Variants in SLC30A6 observed in about 807,000 individuals in gnomAD.
SLC30A6 encodes the protein solute carrier family 30 member 6.
A neutral mutation model predicts 63.0 loss-of-function variants in SLC30A6; 55 were observed. The observed-to-expected ratio is 0.87, with a 90% CI of 0.70 to 1.09. The LOEUF is 1.09. Among genes scored for constraint, SLC30A6 ranks in the 50% least tolerant of loss-of-function variants. The pLI is 0.00. For synonymous variants in SLC30A6, 224 were observed against 186.1 expected (o/e 1.20, Z -1.66); for missense variants, 587 against 549.2 (o/e 1.07, Z -0.69).
chr2:32,203,477 G>T, intron 10 of SLC30A6: 1 of 1,598,822 alleles, frequency 6.3e-7, no homozygotes, highest in Admixed American at 1.7e-5. Context: ...AGGGGCAGTG[G>T]ATGCATTGGC....
rs993634003 is a variant in SLC30A6, at chr2:32,206,884, A to G, written c.769-2A>G. 6.2e-7 allele frequency: 1 copy of G among 1,611,396 alleles called. No individual in the cohort carries two copies. The highest frequency in any genetic ancestry group is 8.5e-7 in the Non-Finnish European group (1 of 1,177,636). On this transcript the variant is annotated splice_acceptor_variant, in intron 11 of 13. Coordinates refer to ENST00000282587, the MANE Select transcript of SLC30A6 (RefSeq NM_017964.5). LOFTEE classifies it high-confidence loss of function. ...TTCATATTTTATTGTATTTTTCCCCAGACAACACCACCCCATGTTATTGGT... is the reference window on the plus strand; with the variant it reads ...TTCATATTTTATTGTATTTTTCCCCGGACAACACCACCCCATGTTATTGGT...
chr2:32,179,251 G>A (rs1218078618), intron 4 of SLC30A6, among the ~76,000 whole-genome samples: 1 of 152,120 alleles, frequency 6.6e-6, no homozygotes, highest in Non-Finnish European at 1.5e-5. Flanking sequence ...ATTTATAAAT[G>A]CCCATAACCT....
intron 13 of SLC30A6, among the ~76,000 whole-genome samples, chr2:32,210,130 A>G (rs944114364): frequency 1.3e-5 from 2 of 152,214 alleles, no homozygotes; most frequent in Non-Finnish European, 2.9e-5. Context: ...GATGAGGAAA[A>G]TACAGAAAAT....
intron 7 of SLC30A6, among the ~76,000 whole-genome samples, chr2:32,193,302 G>C (rs948990775): frequency 2.6e-5 from 4 of 151,976 alleles, no homozygotes; most frequent in Non-Finnish European, 4.4e-5. Flanking sequence ...ATTGGACGAG[G>C]CTCAGGGATT....
At chr2:32,201,901 A>G in intron 10 of SLC30A6, 1 of 1,477,902 alleles carries the variant, frequency 6.8e-7, no homozygotes, top group South Asian at 1.2e-5. Flanking sequence ...GACCAAAAAA[A>G]TTAAAATGAA....
intron 10 of SLC30A6, 128 bp downstream of exon 10, chr2:32,197,954 T>C: frequency 8.9e-7 from 1 of 1,118,916 alleles, no homozygotes; most frequent in East Asian, 2.5e-5. Flanking sequence ...TTAGATCACA[T>C]CTTTTCCTTA....
intron 8 of SLC30A6, among the ~76,000 whole-genome samples, chr2:32,194,449 C>G (rs1379789613): frequency 6.6e-6 from 1 of 152,140 alleles, no homozygotes; most frequent in Non-Finnish European, 1.5e-5. Flanking sequence ...AACTTTATTT[C>G]TTTGGAAATA....
intron 5 of SLC30A6, among the ~76,000 whole-genome samples, chr2:32,185,431 A>G (rs1682716942): frequency 6.6e-6 from 1 of 152,128 alleles, no homozygotes; most frequent in Non-Finnish European, 1.5e-5. Context: ...GTATTTAAAC[A>G]TGAGTTCCTT....
rs1683920533 is a variant in SLC30A6 at position 32,197,704 on chromosome 2, T to G, written c.546-3T>G. The G allele has an allele frequency of 2.5e-6, 4 of 1,614,026 alleles. No individual in the cohort carries two copies. The highest frequency in any genetic ancestry group is 3.4e-6 in the Non-Finnish European group (4 of 1,179,978). On this transcript the variant is annotated splice_region_variant and splice_polypyrimidine_tract_variant and intron_variant, in intron 9 of 13. Coordinates refer to ENST00000282587, the MANE Select transcript of SLC30A6 (RefSeq NM_017964.5). ...GATACTCTTTCTGTTTGTTTTTTCTTAGCTTGTGTGGAATTATTCCGGGAC... is the reference window on the plus strand; with the variant it reads ...GATACTCTTTCTGTTTGTTTTTTCTGAGCTTGTGTGGAATTATTCCGGGAC...
chr2:32,175,454 C>T, intron 4 of SLC30A6, 93 bp downstream of exon 4: 4 of 1,002,542 alleles, frequency 4.0e-6, no homozygotes, highest in Admixed American at 2.3e-5. Context: ...AAAACAGCAA[C>T]TACTGATATC....
intron 4 of SLC30A6, among the ~76,000 whole-genome samples, chr2:32,183,687 CAAA>C (rs564803931): frequency 2.7e-5 from 3 of 110,080 alleles, no homozygotes; most frequent in Non-Finnish European, 1.9e-5. Flanking sequence ...GACTCTGTCT[CAAA>C]AAAAAAAAAA....
chr2:32,174,205 G>T, intron 3 of SLC30A6, 58 bp downstream of exon 3: 1 of 1,267,020 alleles, frequency 7.9e-7, no homozygotes, highest in South Asian at 1.3e-5. Context: ...TTTCTCATTG[G>T]AAATAAAGGT....
At chr2:32,183,545 G>A (rs573526114) in intron 4 of SLC30A6, among the ~76,000 whole-genome samples, 228 of 151,720 alleles carry the variant, frequency 1.5e-3, no homozygotes, top group Admixed American at 4.1e-3. Flanking sequence ...AAAATTAGCC[G>A]GGCATGGTGG....
intron 10 of SLC30A6, chr2:32,202,855 G>A (rs1684417216): frequency 2.2e-5 from 20 of 897,832 alleles, no homozygotes; most frequent in Middle Eastern, 3.2e-4. Flanking sequence ...GATGTTTTTG[G>A]AAAAATGACT....
intron 13 of SLC30A6, among the ~76,000 whole-genome samples, chr2:32,219,280 C>T (rs1039135402): frequency 2.6e-5 from 4 of 151,748 alleles, no homozygotes; most frequent in Non-Finnish European, 5.9e-5. Context: ...GGGTGATCCG[C>T]CCACCTCAGC....
intron 4 of SLC30A6, among the ~76,000 whole-genome samples, chr2:32,181,560 T>A (rs1350471969): frequency 6.6e-6 from 1 of 152,060 alleles, no homozygotes; most frequent in Non-Finnish European, 1.5e-5. Flanking sequence ...CAAAGAAAAA[T>A]TTTACAATTA....
intron 10 of SLC30A6, among the ~76,000 whole-genome samples, chr2:32,201,349 A>G (rs1684277392): frequency 6.6e-6 from 1 of 152,238 alleles, no homozygotes; most frequent in Non-Finnish European, 1.5e-5. Context: ...TGTTACCATA[A>G]AAAATTCCTG....
intron 13 of SLC30A6, among the ~76,000 whole-genome samples, chr2:32,218,022 T>G: frequency 6.6e-6 from 1 of 152,124 alleles, no homozygotes; most frequent in East Asian, 1.9e-4. Flanking sequence ...TTTTTTTATT[T>G]TTTGTAGAGA....
chr2:32,167,382 CT>C (rs11293465), intron 1 of SLC30A6, among the ~76,000 whole-genome samples: 61,573 of 132,166 alleles, frequency 0.47, 14,112 homozygotes, highest in Admixed American at 0.48. Flanking sequence ...GCCACAAACT[CT>C]TTTTTTTTTT....
Sources: gnomAD v4.1 joint callset for allele counts (sites outside exome capture counted in the v4.1 genomes callset) on GRCh38, gnomAD v4.1.1 for gene constraint, MANE v1.5 for transcripts, NCBI Gene and HGNC (gene_info 2026-07-23, HGNC 2026-07-21) for gene names.